The following NELL2 variants were observed in gnomAD, a reference collection of about 807,000 sequenced individuals.
NELL2 encodes the protein protein kinase C-binding protein NELL2.
A neutral mutation model predicts 109.6 loss-of-function variants in NELL2; 41 were observed. The observed-to-expected ratio is 0.37, with a 90% CI of 0.29 to 0.49. The LOEUF is 0.49. Among genes scored for constraint, NELL2 ranks in the 20% least tolerant of loss-of-function variants. The pLI, the probability that NELL2 is intolerant of heterozygous loss-of-function variation, is 0.98. For synonymous variants in NELL2, 355 were observed against 344.7 expected, an observed-to-expected ratio of 1.03 and a Z score of -0.33; for missense variants, 900 against 1,008.3, an observed-to-expected ratio of 0.89 and a Z score of 1.45.
intron 3 of NELL2, among the ~76,000 whole-genome samples, chr12:44,804,196 A>G (rs1395682536): frequency 6.6e-6 from 1 of 151,952 alleles, no homozygotes; most frequent in Non-Finnish European, 1.5e-5. Flanking sequence ...TACAATACCT[A>G]GAGTTTTAAA....
intron 1 of NELL2, among the ~76,000 whole-genome samples, chr12:44,913,588 A>C (rs1945802417): frequency 6.6e-6 from 1 of 152,198 alleles, no homozygotes; most frequent in South Asian, 2.1e-4. Flanking sequence ...ATTATGTTTC[A>C]AGTTTGAATA....
Position 44,522,187 on chromosome 12 carries a change from A to G in NELL2, c.1999-11T>C, listed in dbSNP as rs1240124245. ...CATAACGAATCCATTCTGTATGAAA[A>G]AGAAAAAAAGCAGTTACCAAAAACC... On this transcript the variant is annotated splice_polypyrimidine_tract_variant and intron_variant, in intron 17 of 19. Coordinates refer to ENST00000429094, the MANE Select transcript of NELL2 (RefSeq NM_001145108.2). 6 of 1,610,246 alleles carry G rather than the reference A, an allele frequency of 3.7e-6. No individual in the cohort carries two copies. Among genetic ancestry groups the G allele is most frequent in the Non-Finnish European group, 5.1e-6 (6 of 1,178,418 alleles).
intron 9 of NELL2, among the ~76,000 whole-genome samples, chr12:44,726,087 G>A (rs149560010): frequency 5.7e-4 from 87 of 152,038 alleles, no homozygotes; most frequent in African/African-American, 2.0e-3. Context: ...AATTATTACT[G>A]TAAAAAGTAA....
chr12:44,777,218 C>A (rs372446099), intron 6 of NELL2, 24 bp downstream of exon 6: 5 of 1,610,246 alleles, frequency 3.1e-6, no homozygotes, highest in Non-Finnish European at 4.2e-6. Context: ...GGGGACTCCA[C>A]AGTGCAAGAA....
chr12:44,880,727 A>G (rs978607225), upstream of NELL2: 3 of 152,088 alleles, frequency 2.0e-5, no homozygotes, highest in Non-Finnish European at 4.4e-5. Context: ...ATTCAACAGA[A>G]TGTATAAAGT....
intron 1 of NELL2, among the ~76,000 whole-genome samples, chr12:44,910,135 A>T (rs1945763322): frequency 6.6e-6 from 1 of 152,034 alleles, no homozygotes; most frequent in African/African-American, 2.4e-5. Context: ...GACAAGTGGG[A>T]CCTAATTAAA....
chr12:44,586,068 T>C (rs1043186711), intron 15 of NELL2, among the ~76,000 whole-genome samples: 1 of 151,840 alleles, frequency 6.6e-6, no homozygotes, highest in Non-Finnish European at 1.5e-5. Context: ...TACTACAAGA[T>C]GGAGGTCTTT....
At chr12:44,828,472 T>G (rs1221142340) in intron 2 of NELL2, among the ~76,000 whole-genome samples, 8 of 152,202 alleles carry the variant, frequency 5.3e-5, no homozygotes. Flanking sequence ...CAATGCATAA[T>G]AAACATATAC....
At chr12:44,771,339 G>GGT (rs1941540261) in intron 9 of NELL2, among the ~76,000 whole-genome samples, 3 of 147,852 alleles carry the variant, frequency 2.0e-5, no homozygotes, top group Non-Finnish European at 4.5e-5. Flanking sequence ...ATAACAGATG[G>GGT]TTTTTTTAAA....
At chr12:44,744,645 A>T (rs1281993829) in intron 9 of NELL2, among the ~76,000 whole-genome samples, 1 of 152,222 alleles carries the variant, frequency 6.6e-6, no homozygotes, top group African/African-American at 2.4e-5. Flanking sequence ...CAGAAATACA[A>T]ACTACCATCA....
At position 44,508,676 on chromosome 12, in the gene NELL2, G is replaced by C. The variant is rs1445370256; in HGVS notation, c.*258C>G. 5 of 434,918 alleles carry C rather than the reference G, an allele frequency of 1.1e-5. No homozygotes were observed. Among genetic ancestry groups the C allele is most frequent in the East Asian group, 4.4e-5 (1 of 22,792 alleles). The allele number at this position is 434,918 out of a possible 1,614,324, so 26.9% of individuals were successfully genotyped here. A position where few individuals can be genotyped will look rare whatever the true frequency, so the allele number is the denominator to read the frequency against. On this transcript the variant is annotated 3_prime_UTR_variant, in exon 20 of 20. Transcript: ENST00000429094. ...TTCTATCCAGGGTTCAGGATGTCAC[G>C]GTATATACTGTACGCCCATTCTTCT...
chr12:44,539,663 T>C (rs944734243), intron 15 of NELL2, among the ~76,000 whole-genome samples: 2 of 152,166 alleles, frequency 1.3e-5, no homozygotes, highest in Non-Finnish European at 2.9e-5. Flanking sequence ...CAAGATATAA[T>C]GCATTTCCTT....
At chr12:44,657,672 C>T (rs907877089) in intron 13 of NELL2, among the ~76,000 whole-genome samples, 2 of 152,106 alleles carry the variant, frequency 1.3e-5, no homozygotes, top group African/African-American at 4.8e-5. Flanking sequence ...ATGTTCCCCT[C>T]CCTGTGTCTA....
intron 2 of NELL2, among the ~76,000 whole-genome samples, chr12:44,849,289 T>G (rs1430142554): frequency 1.3e-5 from 2 of 151,608 alleles, no homozygotes; most frequent in African/African-American, 2.4e-5. Flanking sequence ...AAAATAAACA[T>G]CTAACAAAGG....
intron 9 of NELL2, among the ~76,000 whole-genome samples, chr12:44,771,784 G>A (rs1382539800): frequency 1.3e-5 from 2 of 152,300 alleles, no homozygotes; most frequent in East Asian, 3.9e-4. Context: ...TTCAGATAAC[G>A]AGCTGGAGTT....
intron 9 of NELL2, among the ~76,000 whole-genome samples, chr12:44,716,769 G>C (rs964634797): frequency 6.6e-6 from 1 of 151,920 alleles, no homozygotes; most frequent in Non-Finnish European, 1.5e-5. Flanking sequence ...AAGTCCAAGC[G>C]TATGTGGAAG....
intron 1 of NELL2, among the ~76,000 whole-genome samples, chr12:44,894,642 C>A (rs925845709): frequency 6.6e-6 from 1 of 152,180 alleles, no homozygotes; most frequent in Admixed American, 6.5e-5. Flanking sequence ...AATGATATGT[C>A]TCACAGATGT....
chr12:44,551,472 G>C (rs1943042161), intron 15 of NELL2, among the ~76,000 whole-genome samples: 1 of 152,092 alleles, frequency 6.6e-6, no homozygotes, highest in Admixed American at 6.6e-5. Context: ...TTAGCAGTCA[G>C]AGAGACAGAT....
chr12:44,577,465 G>GTTTTT lies in NELL2; in HGVS notation c.1663+29699_1663+29703dup, dbSNP rs746239984. On this transcript the variant is annotated intron_variant, in intron 15 of 19. Transcript: ENST00000429094. Reference sequence around the variant, plus strand: ...ATATTAGCCCTTTGTCAGATGAGTAGTTTTTTTTTTTTTTTTTTTTTTTTT... The same window carrying GTTTTT: ...ATATTAGCCCTTTGTCAGATGAGTAGTTTTTTTTTTTTTTTTTTTTTTTTTTTTTT... 2.3e-4 allele frequency among the ~76,000 whole-genome samples: 19 copies of GTTTTT among 83,464 alleles called. 5 individuals are homozygous for GTTTTT. Among genetic ancestry groups the GTTTTT allele is most frequent in the African/African-American group, 1.2e-3 (17 of 14,154 alleles). 54.8% of individuals were successfully genotyped at this position (83,464 alleles called of 152,430 possible). A position where few individuals can be genotyped will look rare whatever the true frequency, so the allele number is the denominator to read the frequency against.
Sources: allele counts gnomAD v4.1 joint callset (sites outside exome capture counted in the v4.1 genomes callset), GRCh38; gene constraint gnomAD v4.1.1; transcripts MANE v1.5; gene names NCBI Gene and HGNC (gene_info 2026-07-23, HGNC 2026-07-21).